GPC5: variants seen among roughly 807,000 people sequenced by gnomAD.
GPC5 encodes the protein glypican-5.
A neutral mutation model predicts 53.9 loss-of-function variants in GPC5; 47 were observed. The observed-to-expected ratio is 0.87, with a 90% CI of 0.69 to 1.11. GPC5 has a LOEUF of 1.11. GPC5 is among the 50% of genes most tolerant of loss of function. The pLI, the probability that GPC5 is intolerant of heterozygous loss-of-function variation, is 0.00. For synonymous variants in GPC5, 286 were observed against 263.3 expected (o/e 1.09, Z -0.84); for missense variants, 748 against 713.1 (o/e 1.05, Z -0.56).
chr13:92,441,116 G>A (rs550400866), intron 7 of GPC5, among the ~76,000 whole-genome samples: 6 of 152,002 alleles, frequency 3.9e-5, no homozygotes, highest in African/African-American at 9.6e-5. Flanking sequence ...TTGTGACCCC[G>A]GCTGGGGTGC....
chr13:92,072,733 C>T (rs938396016), intron 6 of GPC5, among the ~76,000 whole-genome samples: 1 of 151,644 alleles, frequency 6.6e-6, no homozygotes, highest in African/African-American at 2.4e-5. Context: ...GCTACCACAC[C>T]CAGTTAATTT....
intron 7 of GPC5, among the ~76,000 whole-genome samples, chr13:92,246,641 C>T (rs1159996726): frequency 6.6e-6 from 1 of 152,054 alleles, no homozygotes; most frequent in African/African-American, 2.4e-5. Flanking sequence ...AGGGGTCAGC[C>T]CTTCATATGT....
intron 7 of GPC5, among the ~76,000 whole-genome samples, chr13:92,508,429 T>C (rs1349422254): frequency 6.6e-6 from 1 of 152,116 alleles, no homozygotes; most frequent in Non-Finnish European, 1.5e-5. Context: ...GAACTTTTAA[T>C]ACAAGAAAAA....
At chr13:91,414,706 C>T (rs1256078562) in intron 1 of GPC5, among the ~76,000 whole-genome samples, 2 of 152,162 alleles carry the variant, frequency 1.3e-5, no homozygotes, top group South Asian at 2.1e-4. Context: ...ATTTGCTTCA[C>T]GTAACAGAAA....
chr13:92,395,578 A>C (rs1433013075), intron 7 of GPC5, among the ~76,000 whole-genome samples: 3 of 152,166 alleles, frequency 2.0e-5, no homozygotes, highest in Admixed American at 6.5e-5. Flanking sequence ...TGTAGAGTGG[A>C]GTTTCTGACC....
chr13:92,737,008 C>T (rs1028117226), intron 7 of GPC5, among the ~76,000 whole-genome samples: 1 of 151,956 alleles, frequency 6.6e-6, no homozygotes, highest in African/African-American at 2.4e-5. Context: ...ACAGATGCCA[C>T]TTCTGTAAGG....
At chr13:92,396,379 G>A (rs1875270638) in intron 7 of GPC5, among the ~76,000 whole-genome samples, 2 of 151,666 alleles carry the variant, frequency 1.3e-5, no homozygotes, top group South Asian at 4.2e-4. Context: ...GTGCTTTCAT[G>A]TCATGTTTGC....
intron 7 of GPC5, among the ~76,000 whole-genome samples, chr13:92,704,415 A>C (rs901479224): frequency 6.6e-6 from 1 of 152,032 alleles, no homozygotes; most frequent in African/African-American, 2.4e-5. Flanking sequence ...AAACAATTAA[A>C]AAGGAAAATT....
At chr13:92,035,214 C>A (rs373291816) in intron 6 of GPC5, among the ~76,000 whole-genome samples, 821 of 119,664 alleles carry the variant, frequency 6.9e-3, no homozygotes, top group Middle Eastern at 0.024. Context: ...GACTCCGTCT[C>A]AAAAAAAAAA....
At chr13:92,735,139 C>T (rs1223505121) in intron 7 of GPC5, among the ~76,000 whole-genome samples, 1 of 151,818 alleles carries the variant, frequency 6.6e-6, no homozygotes, top group African/African-American at 2.4e-5. Context: ...AAACATACGG[C>T]ATTTGTATTC....
intron 7 of GPC5, among the ~76,000 whole-genome samples, chr13:92,414,504 CAAAA>C (rs368737499): frequency 7.1e-4 from 85 of 120,448 alleles, no homozygotes; most frequent in East Asian, 1.8e-3. Flanking sequence ...GACTCTGTCT[CAAAA>C]AAAAAAAAAA....
At chr13:91,460,066 A>G (rs1323782808) in intron 2 of GPC5, among the ~76,000 whole-genome samples, 1 of 152,154 alleles carries the variant, frequency 6.6e-6, no homozygotes, top group Non-Finnish European at 1.5e-5. Context: ...TTTTCACTTT[A>G]TAAAATATAC....
rs1054925939 is a variant in GPC5 at position 91,616,523 on chromosome 13, A to G, written c.326-76664A>G. ...GATAATTCAACTTCTGTTCCACTGT[A>G]TCTACCTGGTTATCTTATGTTCATT... On this transcript the variant is annotated intron_variant, in intron 2 of 7. Transcript: ENST00000377067. Among the ~76,000 whole-genome samples the G allele has an allele frequency of 8.5e-5, 13 of 152,222 alleles. No individual in the cohort carries two copies. In the East Asian group the frequency reaches 2.3e-3, roughly 27 times the overall value.
chr13:92,287,939 A>G (rs1010274308), intron 7 of GPC5, among the ~76,000 whole-genome samples: 1 of 151,336 alleles, frequency 6.6e-6, no homozygotes, highest in Non-Finnish European at 1.5e-5. Flanking sequence ...GGCTCTGTTC[A>G]TTTTCCTTCA....
chr13:91,903,412 T>C (rs1440969453), intron 5 of GPC5, among the ~76,000 whole-genome samples: 1 of 152,112 alleles, frequency 6.6e-6, no homozygotes, highest in Non-Finnish European at 1.5e-5. Context: ...GGTCATAGAA[T>C]ATGGTTAGAT....
chr13:92,335,173 C>T (rs554880436), intron 7 of GPC5, among the ~76,000 whole-genome samples: 174 of 152,226 alleles, frequency 1.1e-3, no homozygotes, highest in African/African-American at 4.0e-3. Context: ...GACATCCAGG[C>T]GTTTTCATAC....
intron 2 of GPC5, among the ~76,000 whole-genome samples, chr13:91,662,595 A>G (rs147492289): frequency 8.2e-4 from 125 of 152,276 alleles, no homozygotes; most frequent in African/African-American, 2.9e-3. Context: ...GAACATTTAG[A>G]TATCTAATCT....
intron 7 of GPC5, among the ~76,000 whole-genome samples, chr13:92,245,521 G>A (rs1014571116): frequency 6.6e-6 from 1 of 152,114 alleles, no homozygotes; most frequent in Non-Finnish European, 1.5e-5. Flanking sequence ...AATAATTGTG[G>A]TGAAGAATGA....
chr13:91,705,961 A>G (rs1594456302), intron 3 of GPC5, among the ~76,000 whole-genome samples: 1 of 147,864 alleles, frequency 6.8e-6, no homozygotes, highest in Non-Finnish European at 1.5e-5. Context: ...GCTCATTGCA[A>G]CCTCCGCCTC....
Sources: gnomAD v4.1 joint callset for allele counts (sites outside exome capture counted in the v4.1 genomes callset) on GRCh38, gnomAD v4.1.1 for gene constraint, MANE v1.5 for transcripts, NCBI Gene and HGNC (gene_info 2026-07-23, HGNC 2026-07-21) for gene names.